The following DLGAP2 variants were observed in gnomAD, a reference collection of about 807,000 sequenced individuals.
DLGAP2 encodes disks large-associated protein 2.
A neutral mutation model predicts 100.3 loss-of-function variants in DLGAP2; 26 were observed. The observed-to-expected ratio is 0.26, with a 90% confidence interval of 0.19 to 0.36. The LOEUF (loss-of-function observed/expected upper bound fraction) is 0.36, where lower values mean the gene tolerates loss of function less well. Among genes scored for constraint, DLGAP2 ranks in the 10% least tolerant of loss-of-function variants. DLGAP2 has a pLI of 1.00. For synonymous variants in DLGAP2, 886 were observed against 630.1 expected, an observed-to-expected ratio of 1.41 and a Z score of -6.08; for missense variants, 1,858 against 1,453.2, an observed-to-expected ratio of 1.28 and a Z score of -4.53.
chr8:1,440,514 C>G (rs577088593), intron 3 of DLGAP2, among the ~76,000 whole-genome samples: 50 of 152,330 alleles, frequency 3.3e-4, no homozygotes, highest in African/African-American at 1.2e-3. Flanking sequence ...CCCAGAGAGT[C>G]TGAGTGGAAT....
intron 2 of DLGAP2, among the ~76,000 whole-genome samples, chr8:1,253,689 C>G (rs1360737673): frequency 6.6e-6 from 1 of 152,132 alleles, no homozygotes; most frequent in Non-Finnish European, 1.5e-5. Context: ...ACAAAACCAT[C>G]AGACAGATTT....
intron 3 of DLGAP2, among the ~76,000 whole-genome samples, chr8:1,320,256 G>C (rs1266071573): frequency 1.3e-5 from 2 of 152,052 alleles, no homozygotes. Context: ...TGTTCTTCCT[G>C]AGCCCCACTG....
At chr8:865,897 T>A (rs1420289789) in intron 1 of DLGAP2, among the ~76,000 whole-genome samples, 1 of 152,212 alleles carries the variant, frequency 6.6e-6, no homozygotes, top group Non-Finnish European at 1.5e-5. Context: ...AGCTGCTGAA[T>A]GCATTCACTT....
At chr8:1,457,738 A>T in intron 3 of DLGAP2, among the ~76,000 whole-genome samples, 1 of 151,562 alleles carries the variant, frequency 6.6e-6, no homozygotes, top group East Asian at 1.9e-4. Context: ...GTAGCCCCAC[A>T]CACCTCCCCC....
intron 3 of DLGAP2, among the ~76,000 whole-genome samples, chr8:1,486,196 C>G (rs1203536247): frequency 1.3e-5 from 2 of 152,110 alleles, no homozygotes; most frequent in Non-Finnish European, 2.9e-5. Flanking sequence ...ATAAGGAAAC[C>G]AAGGCTTTCA....
At chr8:1,256,946 C>T (rs1016719571) in intron 2 of DLGAP2, among the ~76,000 whole-genome samples, 7 of 152,044 alleles carry the variant, frequency 4.6e-5, no homozygotes, top group Non-Finnish European at 7.4e-5. Context: ...CATGGCCTGC[C>T]CCATTCCTTT....
intron 1 of DLGAP2, among the ~76,000 whole-genome samples, chr8:744,700 G>T (rs2132561371): frequency 6.6e-6 from 1 of 152,062 alleles, no homozygotes; most frequent in Non-Finnish European, 1.5e-5. Flanking sequence ...CCCTCCCGGG[G>T]TGCTGGCTGT....
chr8:1,255,026 CTT>C (rs1554426521), intron 2 of DLGAP2, among the ~76,000 whole-genome samples: 1 of 124,926 alleles, frequency 8.0e-6, no homozygotes, highest in Non-Finnish European at 1.7e-5. Context: ...GTGTGTGTGT[CTT>C]CTCCTGCCCA....
intron 8 of DLGAP2, among the ~76,000 whole-genome samples, chr8:1,646,848 A>C (rs1798050879): frequency 6.6e-6 from 1 of 152,208 alleles, no homozygotes; most frequent in African/African-American, 2.4e-5. Flanking sequence ...AGGAGAACCC[A>C]GGTGGGCTTG....
At position 1,221,054 on chromosome 8, in the gene DLGAP2, C is replaced by A. The variant is rs185415929; in HGVS notation, c.74-37797C>A. Among the ~76,000 whole-genome samples the A allele has an allele frequency of 6.8e-4, 103 of 152,284 alleles. 1 individual carries two copies. The highest frequency in any genetic ancestry group is 2.5e-3 in the African/African-American group (102 of 41,556). ...AGTTGAGTCTTGCTTGTTTCTTCAG[C>A]TTTCCACTCTTTGCCTTTTAACTGG... On this transcript the variant is annotated intron_variant, in intron 2 of 14. Coordinates refer to ENST00000637795, the MANE Select transcript of DLGAP2 (RefSeq NM_001346810.2).
intron 2 of DLGAP2, among the ~76,000 whole-genome samples, chr8:1,161,807 A>T (rs1469800055): frequency 6.6e-6 from 1 of 151,470 alleles, no homozygotes; most frequent in African/African-American, 2.4e-5. Flanking sequence ...CCTGCTGGGG[A>T]TAGACAGAGG....
In DLGAP2 at chr8:1,629,704, T is replaced by C. The variant is rs146543993; in HGVS notation, c.1590+2817T>C. On this transcript the variant is annotated intron_variant, in intron 7 of 14. Transcript: ENST00000637795. ...CCAAAATACAGCTTTAAAAATCCGA[T>C]GTAACCCAACAAAAGGTTTAAACAG... Among the ~76,000 whole-genome samples, 348 of 152,370 alleles carry C rather than the reference T, an allele frequency of 2.3e-3. 2 individuals are homozygous for C. Among genetic ancestry groups the C allele is most frequent in the African/African-American group, 7.3e-3 (304 of 41,596 alleles).
rs144120002 is a variant in DLGAP2 at position 1,068,391 on chromosome 8, C to T, written c.73+160425C>T. Among the ~76,000 whole-genome samples the T allele has an allele frequency of 2.5e-3, 374 of 152,322 alleles. 1 individual carries two copies. Among genetic ancestry groups the T allele is most frequent in the African/African-American group, 8.3e-3 (344 of 41,570 alleles). On this transcript the variant is annotated intron_variant, in intron 2 of 14. Transcript: ENST00000637795. ...AAGAAACCACCAAAATGTCTTCCAA[C>T]GCAGCTGCGTTGTTCACCCCCCACA...
At chr8:767,359 T>TC (rs1821241376) in intron 1 of DLGAP2, among the ~76,000 whole-genome samples, 2 of 150,394 alleles carry the variant, frequency 1.3e-5, no homozygotes, top group Admixed American at 1.3e-4. Flanking sequence ...TTTTTTTTTT[T>TC]TTTTTTTTTG....
At chr8:1,202,541 C>A (rs1585148100) in intron 2 of DLGAP2, among the ~76,000 whole-genome samples, 3 of 152,236 alleles carry the variant, frequency 2.0e-5, no homozygotes, top group African/African-American at 7.2e-5. Flanking sequence ...TATTCCAAGT[C>A]CATTTTCTAA....
chr8:1,645,353 T>G (rs57902469), intron 8 of DLGAP2, among the ~76,000 whole-genome samples: 2,464 of 152,310 alleles, frequency 0.016, 68 homozygotes, highest in African/African-American at 0.056. Context: ...AAAACAGGCA[T>G]TAAGTGAGAC....
intron 2 of DLGAP2, among the ~76,000 whole-genome samples, chr8:1,135,503 GTTTTT>G (rs3080806): frequency 8.7e-5 from 8 of 92,194 alleles, no homozygotes; most frequent in East Asian, 3.8e-4. Context: ...TTTTTTGTGG[GTTTTT>G]TTTTTTTTTT....
intron 3 of DLGAP2, among the ~76,000 whole-genome samples, chr8:1,293,856 A>G (rs1800113322): frequency 6.6e-6 from 1 of 152,212 alleles, no homozygotes; most frequent in Non-Finnish European, 1.5e-5. Context: ...TTATTGAGCA[A>G]TATATTTAAA....
intron 1 of DLGAP2, among the ~76,000 whole-genome samples, chr8:799,418 A>C (rs1563037300): frequency 6.6e-6 from 1 of 152,106 alleles, no homozygotes; most frequent in Non-Finnish European, 1.5e-5. Flanking sequence ...CGTACCAGAG[A>C]ATTAGAGGCG....
Sources: allele counts gnomAD v4.1 joint callset (sites outside exome capture counted in the v4.1 genomes callset), GRCh38; gene constraint gnomAD v4.1.1; transcripts MANE v1.5; gene names NCBI Gene and HGNC (gene_info 2026-07-23, HGNC 2026-07-21).